SELENOF: variants seen among roughly 807,000 people sequenced by gnomAD.
SELENOF encodes selenoprotein F.
In SELENOF, 16 loss-of-function variants were observed where a neutral mutation model predicts 20.5. The ratio of observed to expected loss-of-function variants is 0.78; its 90% CI spans 0.53 to 1.19. SELENOF has a LOEUF of 1.19. SELENOF is among the 50% of genes most tolerant of loss of function. SELENOF has a pLI of 0.00. For synonymous variants in SELENOF, 78 were observed against 74.5 expected (o/e 1.05, Z -0.24); for missense variants, 215 against 194.2 (o/e 1.11, Z -0.64).
chr1:86,887,143 CT>C (rs1659240865), intron 2 of SELENOF: 3 of 1,531,146 alleles, frequency 2.0e-6, no homozygotes, highest in South Asian at 2.5e-5. Context: ...ATTAATGACA[CT>C]TTCATACTCA....
rs561933341 is a variant in SELENOF, at chr1:86,869,209, G to A, written c.317-1107C>T. ...ATCAACCAAGAGTCTTAAAATGTAC[G>A]TACTTTGTAAACCTGCAAGTACACT... On this transcript the variant is annotated intron_variant, in intron 3 of 4. Transcript: ENST00000331835. Among the ~76,000 whole-genome samples, 14 of 151,884 alleles carry A rather than the reference G, an allele frequency of 9.2e-5. No homozygotes were observed. The East Asian group carries it at 2.7e-3, about 29-fold the overall frequency.
intron 3 of SELENOF, among the ~76,000 whole-genome samples, chr1:86,869,125 G>C (rs1383438050): frequency 1.3e-5 from 2 of 152,112 alleles, no homozygotes; most frequent in African/African-American, 2.4e-5. Flanking sequence ...GATTTTGCTG[G>C]GAATGAGCTA....
rs772613347 is a variant in SELENOF, at chr1:86,914,040, A to G, written c.72T>C (p.Thr24=). The change falls in exon 1 of 5, where the codon ACT becomes ACC. Residue 24 remains threonine (T), a synonymous_variant. Transcript: ENST00000331835. The part of the protein sequence containing the change: ...PAFGLRLLLA[T]VLQAVSAFGA... ...GATCTACACTCACCGCTTGAAGCAC[A>G]GTCGCCAACAACAACCGTAGCCCAA... is the stretch of plus-strand genomic sequence containing the variant. 1.2e-6 allele frequency: 2 copies of G among 1,613,760 alleles called. No individual in the cohort carries two copies. Among genetic ancestry groups the G allele is most frequent in the Non-Finnish European group, 1.7e-6 (2 of 1,179,826 alleles).
chr1:86,865,964 G>GCAGGAGGATCGCCCGAGC (rs1658577529), intron 4 of SELENOF, among the ~76,000 whole-genome samples: 1 of 152,020 alleles, frequency 6.6e-6, no homozygotes, highest in African/African-American at 2.4e-5. Context: ...GAAGGCTGAG[G>GCAGGAGGATCGCCCGAGC]CAGGAGGATC....
intron 1 of SELENOF, among the ~76,000 whole-genome samples, chr1:86,913,599 C>T (rs1240080973): frequency 1.3e-5 from 2 of 152,150 alleles, no homozygotes; most frequent in Non-Finnish European, 2.9e-5. Flanking sequence ...AGAGCACGCG[C>T]GCGAGAGAGG....
intron 3 of SELENOF, among the ~76,000 whole-genome samples, chr1:86,873,393 A>C (rs1206032336): frequency 1.3e-5 from 2 of 152,266 alleles, no homozygotes; most frequent in Non-Finnish European, 2.9e-5. Flanking sequence ...GCTTCTGCTC[A>C]TATGATCAAT....
intron 3 of SELENOF, among the ~76,000 whole-genome samples, chr1:86,873,311 A>G (rs1658833073): frequency 6.6e-6 from 1 of 151,576 alleles, no homozygotes. Flanking sequence ...CCTTGGTAAT[A>G]TATTGTTTAC....
At chr1:86,894,090 G>A in intron 2 of SELENOF, among the ~76,000 whole-genome samples, 1 of 151,746 alleles carries the variant, frequency 6.6e-6, no homozygotes, top group East Asian at 1.9e-4. Flanking sequence ...TTGGTGATCT[G>A]CAGCCTATGC....
intron 1 of SELENOF, among the ~76,000 whole-genome samples, chr1:86,906,412 C>G (rs956841225): frequency 1.3e-5 from 2 of 152,204 alleles, no homozygotes; most frequent in African/African-American, 4.8e-5. Context: ...CATGTTCTTA[C>G]AATGTTAGTC....
Position 86,868,115 on chromosome 1 carries a change from GA to G in SELENOF, c.317-14del, listed in dbSNP as rs746781758. On this transcript the variant is annotated splice_polypyrimidine_tract_variant and intron_variant, in intron 3 of 4. Transcript: ENST00000331835. ...CTCCTAACAAAAGCTTATAAAAAAAGAAAAAAAGATTCAGTAGTTCACTTCC... is the reference window on the plus strand; with the variant it reads ...CTCCTAACAAAAGCTTATAAAAAAAGAAAAAAGATTCAGTAGTTCACTTCC... 23 of 1,402,112 alleles carry G rather than the reference GA, an allele frequency of 1.6e-5. No homozygotes were observed. Among genetic ancestry groups the G allele is most frequent in the South Asian group, 8.1e-5 (6 of 74,434 alleles). 86.9% of individuals were successfully genotyped at this position (1,402,112 alleles called of 1,614,324 possible). A position where few individuals can be genotyped will look rare whatever the true frequency, so the allele number is the denominator to read the frequency against.
intron 2 of SELENOF, among the ~76,000 whole-genome samples, chr1:86,889,259 T>A (rs1287607168): frequency 6.6e-6 from 1 of 152,186 alleles, no homozygotes; most frequent in Non-Finnish European, 1.5e-5. Flanking sequence ...TTAAAACTTT[T>A]TTGAAGAAAA....
chr1:86,885,206 A>G (rs1659183493), intron 2 of SELENOF, among the ~76,000 whole-genome samples: 1 of 152,224 alleles, frequency 6.6e-6, no homozygotes, highest in Non-Finnish European at 1.5e-5. Context: ...TCTGAAATCC[A>G]AAACACTTCT....
chr1:86,911,853 G>A (rs207460279), intron 1 of SELENOF, among the ~76,000 whole-genome samples: 5 of 150,494 alleles, frequency 3.3e-5, no homozygotes, highest in Admixed American at 3.3e-4. Flanking sequence ...GTGCAATCTC[G>A]GCTCAGTGCA....
chr1:86,897,860 G>T (rs776964118), intron 2 of SELENOF, among the ~76,000 whole-genome samples: 19 of 152,312 alleles, frequency 1.2e-4, no homozygotes, highest in Non-Finnish European at 1.9e-4. Flanking sequence ...CCAGGTTGCT[G>T]CTCAACTGTG....
chr1:86,888,645 A>G (rs987461430), intron 2 of SELENOF, among the ~76,000 whole-genome samples: 1 of 152,226 alleles, frequency 6.6e-6, no homozygotes, highest in African/African-American at 2.4e-5. Flanking sequence ...TTTGTCATAA[A>G]AAGAATAGTT....
chr1:86,864,457 C>T (rs964163281), intron 4 of SELENOF, among the ~76,000 whole-genome samples: 54 of 152,090 alleles, frequency 3.6e-4, no homozygotes, highest in African/African-American at 1.2e-3. Flanking sequence ...GAACTTCTTC[C>T]AGAATTATGC....
upstream of SELENOF, chr1:86,914,168 G>C: frequency 6.6e-7 from 1 of 1,506,140 alleles, no homozygotes; most frequent in African/African-American, 1.4e-5. Context: ...GTCCACTCCA[G>C]AGCCTGATCC....
At chr1:86,913,852 G>T in intron 1 of SELENOF, 176 bp downstream of exon 1, 1 of 618,502 alleles carries the variant, frequency 1.6e-6, no homozygotes, top group Admixed American at 2.8e-5. Flanking sequence ...GAAACCCAAG[G>T]CGGGGAAGGA....
chr1:86,866,228 CTCTGTG>C (rs1445013065), intron 4 of SELENOF, among the ~76,000 whole-genome samples: 15 of 52,394 alleles, frequency 2.9e-4, no homozygotes, highest in Non-Finnish European at 2.9e-4. Context: ...AAGTGTGTGT[CTCTGTG>C]TGTGTGTGTG....
Sources: allele counts gnomAD v4.1 joint callset (sites outside exome capture counted in the v4.1 genomes callset), GRCh38; gene constraint gnomAD v4.1.1; transcripts MANE v1.5; gene names NCBI Gene and HGNC (gene_info 2026-07-23, HGNC 2026-07-21).